GTF2F2: variants seen among roughly 807,000 people sequenced by gnomAD.
GTF2F2 encodes ATP-dependent helicase GTF2F2.
GTF2F2 carries 23 observed loss-of-function variants against 42.2 expected under a neutral mutation model. The ratio of observed to expected loss-of-function variants is 0.55; its 90% CI spans 0.39 to 0.77. The LOEUF (loss-of-function observed/expected upper bound fraction) is 0.77. Among genes scored for constraint, GTF2F2 ranks in the 30% least tolerant of loss-of-function variants. The pLI is 0.00. For missense variants in GTF2F2, 261 were observed against 287.2 expected, an observed-to-expected ratio of 0.91 and a Z score of 0.66; for synonymous variants, 105 against 100.8, an observed-to-expected ratio of 1.04 and a Z score of -0.25.
intron 5 of GTF2F2, among the ~76,000 whole-genome samples, chr13:45,209,555 A>G (rs1021729273): frequency 2.6e-5 from 4 of 152,144 alleles, no homozygotes; most frequent in African/African-American, 9.7e-5. Context: ...GGAGAAAGAG[A>G]TGGGGTAAGA....
intron 6 of GTF2F2, among the ~76,000 whole-genome samples, chr13:45,255,166 C>CAAAAAAAAAAA (rs55795620): frequency 6.6e-5 from 5 of 76,104 alleles, no homozygotes; most frequent in Admixed American, 1.6e-4. Context: ...GACTTTGTCT[C>CAAAAAAAAAAA]AAAAAAAAAA....
chr13:45,228,826 A>G (rs1441476488), intron 5 of GTF2F2, among the ~76,000 whole-genome samples: 1 of 151,768 alleles, frequency 6.6e-6, no homozygotes, highest in Non-Finnish European at 1.5e-5. Context: ...ATGCGCCACC[A>G]CGCCCAGCTA....
chr13:45,191,224 A>AAAAATATATATATATATAT, intron 4 of GTF2F2, among the ~76,000 whole-genome samples: 11 of 75,312 alleles, frequency 1.5e-4, no homozygotes, highest in African/African-American at 9.0e-4. Flanking sequence ...ACAAAAAAAA[A>AAAAATATATATATATATAT]ATATATATAT....
At position 45,216,017 on chromosome 13, in the gene GTF2F2, C is replaced by T. The variant is rs146897412; in HGVS notation, c.386+8512C>T. Among the ~76,000 whole-genome samples the T allele has an allele frequency of 6.1e-4, 93 of 151,856 alleles. No homozygotes were observed. The East Asian group carries it at 0.015, about 24-fold the overall frequency. ...TTGTAATCCCGGCACTTTGGGAGGC[C>T]GAGTCTTGAGCCCAGGAGTTTGAGA... is the stretch of plus-strand genomic sequence containing the variant. On this transcript the variant is annotated intron_variant, in intron 5 of 7. Coordinates refer to ENST00000340473, the MANE Select transcript of GTF2F2 (RefSeq NM_004128.3).
intron 5 of GTF2F2, among the ~76,000 whole-genome samples, chr13:45,233,194 T>A (rs1217171012): frequency 1.3e-5 from 2 of 152,182 alleles, no homozygotes; most frequent in Non-Finnish European, 2.9e-5. Context: ...TATGCTATGA[T>A]TGTGCCTGCG....
chr13:45,125,605 A>G (rs1421454218), intron 1 of GTF2F2, among the ~76,000 whole-genome samples: 1 of 152,144 alleles, frequency 6.6e-6, no homozygotes, highest in Non-Finnish European at 1.5e-5. Flanking sequence ...TACCGGTGTG[A>G]GCCACTGTGC....
chr13:45,140,361 A>G (rs894616814), intron 2 of GTF2F2, among the ~76,000 whole-genome samples: 3 of 152,310 alleles, frequency 2.0e-5, no homozygotes, highest in Admixed American at 6.5e-5. Context: ...GATTGAGTAT[A>G]TGTTCATAGT....
intron 2 of GTF2F2, among the ~76,000 whole-genome samples, chr13:45,144,389 T>C (rs997057897): frequency 2.0e-5 from 3 of 152,100 alleles, no homozygotes; most frequent in South Asian, 4.1e-4. Context: ...TTGATAATCA[T>C]GTAGCCTGTA....
chr13:45,261,880 T>C (rs1876357190), intron 6 of GTF2F2, among the ~76,000 whole-genome samples: 1 of 152,244 alleles, frequency 6.6e-6, no homozygotes, highest in Non-Finnish European at 1.5e-5. Context: ...AGTATTAAGA[T>C]TACCATTTCT....
intron 5 of GTF2F2, among the ~76,000 whole-genome samples, chr13:45,235,464 G>C (rs964729471): frequency 1.2e-4 from 18 of 151,982 alleles, no homozygotes; most frequent in Admixed American, 7.2e-4. Context: ...TATGTAGTGG[G>C]AGGCACTTAT....
intron 1 of GTF2F2, chr13:45,123,247 A>G (rs1868770073): frequency 6.6e-6 from 1 of 152,226 alleles, no homozygotes; most frequent in Admixed American, 6.6e-5. Context: ...GAGGATGACC[A>G]TCCGGATAGA....
intron 5 of GTF2F2, among the ~76,000 whole-genome samples, chr13:45,226,057 G>A (rs548885566): frequency 5.4e-4 from 78 of 144,216 alleles, no homozygotes; most frequent in African/African-American, 1.4e-3. Context: ...GATTATATCC[G>A]GAAAAAAAAA....
rs527784178 is a variant in GTF2F2 at position 45,194,726 on chromosome 13, G to T, written c.305-12698G>T. ...TGTCAGCTCGGTTTTGCAGTAGGTG[G>T]CGTATCAGCCTATGTATGCAGGAGC... On this transcript the variant is annotated intron_variant, in intron 4 of 7. Coordinates refer to ENST00000340473, the MANE Select transcript of GTF2F2 (RefSeq NM_004128.3). The T allele has an allele frequency of 4.6e-6, 3 of 654,972 alleles. 1 individual carries two copies. In the Middle Eastern group the frequency reaches 1.3e-3, roughly 278 times the overall value. 40.6% of individuals were successfully genotyped at this position (654,972 alleles called of 1,614,324 possible). A position where few individuals can be genotyped will look rare whatever the true frequency, so the allele number is the denominator to read the frequency against.
chr13:45,271,170 T>C (rs1264447175), intron 7 of GTF2F2, among the ~76,000 whole-genome samples: 2 of 151,886 alleles, frequency 1.3e-5, no homozygotes, highest in Non-Finnish European at 2.9e-5. Context: ...CCAGCCCCTG[T>C]AGTCCCAGCT....
At chr13:45,240,708 A>T (rs1292272953) in intron 5 of GTF2F2, among the ~76,000 whole-genome samples, 1 of 151,942 alleles carries the variant, frequency 6.6e-6, no homozygotes, top group East Asian at 1.9e-4. Flanking sequence ...GGCGCCTGTA[A>T]TCCCAGCTAC....
intron 5 of GTF2F2, among the ~76,000 whole-genome samples, chr13:45,232,998 T>G (rs1006731744): frequency 7.2e-5 from 11 of 152,222 alleles, no homozygotes; most frequent in African/African-American, 2.4e-4. Flanking sequence ...GTTACAAAAT[T>G]TGTAAAGGCT....
At chr13:45,236,806 A>G (rs575881357) in intron 5 of GTF2F2, among the ~76,000 whole-genome samples, 1 of 152,320 alleles carries the variant, frequency 6.6e-6, no homozygotes, top group South Asian at 2.1e-4. Context: ...GTTACTTTTT[A>G]TTCATTTGCA....
chr13:45,135,634 A>C (rs1037314092), intron 1 of GTF2F2, among the ~76,000 whole-genome samples: 2 of 152,088 alleles, frequency 1.3e-5, no homozygotes, highest in African/African-American at 4.8e-5. Flanking sequence ...TCATCCTTCT[A>C]TTCCTGAATT....
intron 4 of GTF2F2, among the ~76,000 whole-genome samples, chr13:45,153,188 TTTTGTA>T (rs1402744830): frequency 1.3e-5 from 2 of 151,576 alleles, no homozygotes; most frequent in African/African-American, 4.8e-5. Flanking sequence ...TTTTTTTTTT[TTTTGTA>T]TTTTTAGTAG....
Sources: gnomAD v4.1 joint callset for allele counts (sites outside exome capture counted in the v4.1 genomes callset) on GRCh38, gnomAD v4.1.1 for gene constraint, MANE v1.5 for transcripts, NCBI Gene and HGNC (gene_info 2026-07-23, HGNC 2026-07-21) for gene names.